Variants in TSPEAR observed in about 807,000 individuals in gnomAD.
TSPEAR encodes the protein thrombospondin type laminin G domain and EAR repeats, also known as thrombospondin-type laminin G domain and EAR repeat-containing protein.
Under a neutral mutation model 71.6 loss-of-function variants are expected in TSPEAR, and 69 were observed. The ratio of observed to expected loss-of-function variants is 0.96; its 90% CI spans 0.79 to 1.18. The LOEUF is 1.18. Ranked by LOEUF, TSPEAR falls within the 50% of genes most tolerant of loss-of-function variation. TSPEAR has a pLI of 0.00. For missense variants in TSPEAR, 971 were observed against 894.9 expected (o/e 1.09, Z -1.09); for synonymous variants, 402 against 387.2 (o/e 1.04, Z -0.45).
At chr21:44,527,047 G>A (rs997852407) in intron 7 of TSPEAR, among the ~76,000 whole-genome samples, 4 of 152,180 alleles carry the variant, frequency 2.6e-5, no homozygotes, top group African/African-American at 9.7e-5. Context: ...TATGTAGAAC[G>A]AGATGGCATG....
At chr21:44,652,042 G>A (rs1555941540) in intron 1 of TSPEAR, among the ~76,000 whole-genome samples, 1 of 147,632 alleles carries the variant, frequency 6.8e-6, no homozygotes, top group Non-Finnish European at 1.5e-5. Context: ...GGAGTGCAGT[G>A]GCGCGATCTC....
intron 1 of TSPEAR, among the ~76,000 whole-genome samples, chr21:44,590,131 T>C (rs1293264087): frequency 6.6e-6 from 1 of 152,216 alleles, no homozygotes; most frequent in Admixed American, 6.5e-5. Context: ...GGGGTGGGAC[T>C]CCGGGAGGTC....
intron 1 of TSPEAR, among the ~76,000 whole-genome samples, chr21:44,656,204 C>T (rs1296990130): frequency 7.9e-5 from 12 of 152,192 alleles, no homozygotes; most frequent in African/African-American, 2.2e-4. Flanking sequence ...GGTTGTCTTA[C>T]GAGTCGATTA....
At chr21:44,651,979 CTTTT>C (rs60867977) in intron 1 of TSPEAR, among the ~76,000 whole-genome samples, 1 of 124,512 alleles carries the variant, frequency 8.0e-6, no homozygotes, top group Admixed American at 8.2e-5. Context: ...ATAAAACTTT[CTTTT>C]TTTTTTTTTT....
At chr21:44,508,945 G>A in intron 10 of TSPEAR, 1 of 1,536,126 alleles carries the variant, frequency 6.5e-7, no homozygotes, top group South Asian at 1.2e-5. Context: ...GGGTGTGAAG[G>A]GGCAGAACTC....
intron 1 of TSPEAR, chr21:44,677,848 G>C: frequency 1.5e-6 from 2 of 1,317,882 alleles, no homozygotes; most frequent in South Asian, 2.4e-5. Context: ...TCTGAGTAAG[G>C]TATGGTTTTC....
chr21:44,512,145 A>G (rs1431795874), intron 9 of TSPEAR, among the ~76,000 whole-genome samples: 2 of 152,222 alleles, frequency 1.3e-5, no homozygotes, highest in African/African-American at 2.4e-5. Context: ...GGGCGCACAC[A>G]GAGTGCGGAG....
At chr21:44,618,269 C>G (rs233267) in intron 1 of TSPEAR, among the ~76,000 whole-genome samples, 118,024 of 152,142 alleles carry the variant, frequency 0.78, 49,583 homozygotes, top group Non-Finnish European at 0.94. Flanking sequence ...CTTCTCTCTC[C>G]TGCCACCATG....
intron 1 of TSPEAR, chr21:44,666,768 C>A: frequency 6.2e-7 from 1 of 1,612,274 alleles, no homozygotes. Context: ...GGAGGACTGG[C>A]AGCCCACAGG....
At chr21:44,637,408 C>T in intron 1 of TSPEAR, 1 of 1,596,642 alleles carries the variant, frequency 6.3e-7, no homozygotes, top group Non-Finnish European at 8.5e-7. Flanking sequence ...CACCGCCTCC[C>T]CACTCCAGCA....
intron 1 of TSPEAR, among the ~76,000 whole-genome samples, chr21:44,615,864 C>G (rs1982057443): frequency 6.6e-6 from 1 of 152,208 alleles, no homozygotes. Context: ...GGAGCGTCCT[C>G]CCGGGACCAG....
At chr21:44,708,190 C>G (rs1290141638) in intron 1 of TSPEAR, among the ~76,000 whole-genome samples, 1 of 152,084 alleles carries the variant, frequency 6.6e-6, no homozygotes, top group Admixed American at 6.5e-5. Flanking sequence ...TCCCCCAGCC[C>G]CCAGCAGGGG....
intron 2 of TSPEAR, among the ~76,000 whole-genome samples, chr21:44,562,514 G>T (rs1417253409): frequency 5.9e-5 from 9 of 152,040 alleles, no homozygotes; most frequent in Non-Finnish European, 1.5e-5. Context: ...TACATATCCA[G>T]GACCTCAGAA....
At chr21:44,611,963 A>C in intron 1 of TSPEAR, 1 of 901,964 alleles carries the variant, frequency 1.1e-6, no homozygotes, top group Non-Finnish European at 1.7e-6. Context: ...GCAAAGTCTC[A>C]GCCACAACAA....
Position 44,582,987 on chromosome 21 carries a change from TA to T in TSPEAR, c.83-14983del, listed in dbSNP as rs1715402709. Among the ~76,000 whole-genome samples the T allele has an allele frequency of 7.6e-5, 5 of 66,010 alleles. No individual in the cohort carries two copies. In the East Asian group the frequency reaches 1.3e-3, roughly 17 times the overall value. 43.3% of individuals were successfully genotyped at this position (66,010 alleles called of 152,430 possible). The stretch of plus-strand genomic sequence containing the variant: ...ACAGGTGTGCACCACCACATCCAGC[TA>T]TTTTTCTTTCTTTCTTTTTTTTTTT... On this transcript the variant is annotated intron_variant, in intron 1 of 11. Coordinates refer to ENST00000323084, the MANE Select transcript of TSPEAR (RefSeq NM_144991.3).
chr21:44,594,501 T>C (rs782791597), intron 1 of TSPEAR, among the ~76,000 whole-genome samples: 6 of 152,352 alleles, frequency 3.9e-5, no homozygotes, highest in East Asian at 3.9e-4. Context: ...TCACTTTCAC[T>C]GTTCTTCATG....
intron 1 of TSPEAR, chr21:44,637,967 T>G: frequency 1.2e-6 from 2 of 1,614,062 alleles, no homozygotes; most frequent in Non-Finnish European, 1.7e-6. Context: ...CGCCTCCTGC[T>G]GCAGACCCTC....
At chr21:44,698,525 G>A (rs1310461796) in intron 1 of TSPEAR, among the ~76,000 whole-genome samples, 4 of 152,202 alleles carry the variant, frequency 2.6e-5, no homozygotes, top group Admixed American at 6.5e-5. Context: ...CCTGATGGGC[G>A]AGTGTCAGAG....
intron 1 of TSPEAR, chr21:44,627,490 C>A: frequency 6.5e-7 from 1 of 1,541,452 alleles, no homozygotes. Context: ...CTGCTGCAAG[C>A]CTGTGTGCTG....
Sources: allele counts gnomAD v4.1 joint callset (sites outside exome capture counted in the v4.1 genomes callset), GRCh38; gene constraint gnomAD v4.1.1; transcripts MANE v1.5; gene names NCBI Gene and HGNC (gene_info 2026-07-23, HGNC 2026-07-21).